Variants in CTNNA3 observed in about 807,000 individuals in gnomAD.
CTNNA3 encodes catenin alpha 3, also known as catenin alpha-3.
CTNNA3 carries 76 observed loss-of-function variants against 95.7 expected under a neutral mutation model. That is an observed-to-expected ratio of 0.79 (90% confidence interval 0.66 to 0.96). The LOEUF (loss-of-function observed/expected upper bound fraction) is 0.96, where lower values mean the gene tolerates loss of function less well. Among genes scored for constraint, CTNNA3 ranks in the 40% least tolerant of loss-of-function variants. The probability of loss-of-function intolerance (pLI) is 0.00; values close to 1 mark genes in which losing one functional copy is unlikely to be tolerated. For synonymous variants in CTNNA3, 431 were observed against 374.4 expected (o/e 1.15, Z -1.74); for missense variants, 1,191 against 1,089.8 (o/e 1.09, Z -1.31).
chr10:67,160,870 C>T (rs944144868), intron 7 of CTNNA3, among the ~76,000 whole-genome samples: 3 of 152,114 alleles, frequency 2.0e-5, no homozygotes, highest in African/African-American at 7.2e-5. Context: ...GGAAATCTTG[C>T]ACTGTGACAA....
intron 7 of CTNNA3, among the ~76,000 whole-genome samples, chr10:66,847,191 A>G (rs12358134): frequency 0.27 from 41,476 of 152,110 alleles, 6,629 homozygotes; most frequent in Non-Finnish European, 0.38. Context: ...TGAAAGCAGC[A>G]ATGAGTTTTT....
At chr10:67,701,736 G>C (rs1281515150) in intron 1 of CTNNA3, among the ~76,000 whole-genome samples, 1 of 152,088 alleles carries the variant, frequency 6.6e-6, no homozygotes, top group Non-Finnish European at 1.5e-5. Context: ...AAAATAACCA[G>C]CTAACATCAT....
chr10:67,544,523 G>C (rs1357291262), intron 3 of CTNNA3, among the ~76,000 whole-genome samples: 1 of 152,146 alleles, frequency 6.6e-6, no homozygotes, highest in Non-Finnish European at 1.5e-5. Flanking sequence ...AAACAGAATA[G>C]AGAATGATAA....
At chr10:67,371,344 A>AG (rs1361078692) in intron 5 of CTNNA3, among the ~76,000 whole-genome samples, 5 of 150,952 alleles carry the variant, frequency 3.3e-5, no homozygotes, top group Admixed American at 3.3e-4. Flanking sequence ...CTCGTCATTT[A>AG]CATTAGGTAT....
In CTNNA3 at chr10:67,743,723, C is replaced by A. The variant is rs1392466719; in HGVS notation, c.-2+19711G>T. On this transcript the variant is annotated intron_variant, in intron 1 of 17. Transcript: ENST00000684154. Reference sequence around the variant, plus strand: ...GAGGAAGTTAAATTGTCCCTGTTTGCAGATGACATGATTGTATATCTAGAA... The same window carrying A: ...GAGGAAGTTAAATTGTCCCTGTTTGAAGATGACATGATTGTATATCTAGAA... Among the ~76,000 whole-genome samples, 3 of 151,246 alleles carry A rather than the reference C, an allele frequency of 2.0e-5. No homozygotes were observed. In the East Asian group the frequency reaches 5.8e-4, roughly 29 times the overall value.
intron 6 of CTNNA3, among the ~76,000 whole-genome samples, chr10:67,217,307 A>G (rs1864417856): frequency 6.6e-6 from 1 of 152,226 alleles, no homozygotes; most frequent in African/African-American, 2.4e-5. Context: ...TAAATGCTCA[A>G]TAAATTCTGC....
chr10:67,514,720 GTT>G (rs529419460), intron 5 of CTNNA3, among the ~76,000 whole-genome samples: 5 of 127,754 alleles, frequency 3.9e-5, no homozygotes, highest in Non-Finnish European at 5.2e-5. Flanking sequence ...TGTTTTTGTT[GTT>G]TTTTTTTTTT....
intron 10 of CTNNA3, among the ~76,000 whole-genome samples, chr10:66,553,438 A>G (rs1283660548): frequency 7.0e-5 from 1 of 14,334 alleles, no homozygotes; most frequent in Non-Finnish European, 1.3e-4. Flanking sequence ...AATGAAGCAT[A>G]TCTTTTTTTT....
At chr10:67,112,948 T>A (rs1858986628) in intron 7 of CTNNA3, among the ~76,000 whole-genome samples, 1 of 152,174 alleles carries the variant, frequency 6.6e-6, no homozygotes, top group Non-Finnish European at 1.5e-5. Context: ...GGGAAATGGT[T>A]ATGCTTCATC....
At chr10:67,409,336 A>C (rs1024502909) in intron 5 of CTNNA3, among the ~76,000 whole-genome samples, 3 of 152,212 alleles carry the variant, frequency 2.0e-5, no homozygotes, top group African/African-American at 7.2e-5. Context: ...GAATTAACCC[A>C]AATGCCCATC....
intron 3 of CTNNA3, among the ~76,000 whole-genome samples, chr10:67,568,157 T>A (rs1171948707): frequency 6.6e-6 from 1 of 152,040 alleles, no homozygotes; most frequent in Non-Finnish European, 1.5e-5. Context: ...ACTTGTGTAT[T>A]TTTTCTATTT....
chr10:67,364,724 A>G (rs943785224), intron 5 of CTNNA3, among the ~76,000 whole-genome samples: 6 of 152,176 alleles, frequency 3.9e-5, no homozygotes, highest in African/African-American at 1.4e-4. Context: ...AAAATAAAAG[A>G]GGACACAAGC....
At chr10:65,936,950 G>A (rs1218475598) in intron 17 of CTNNA3, among the ~76,000 whole-genome samples, 1 of 151,474 alleles carries the variant, frequency 6.6e-6, no homozygotes, top group Non-Finnish European at 1.5e-5. Context: ...TAATAAACTT[G>A]TTGACATGAC....
chr10:66,376,025 CA>C (rs2092794522), intron 12 of CTNNA3, among the ~76,000 whole-genome samples: 1 of 152,102 alleles, frequency 6.6e-6, no homozygotes, highest in African/African-American at 2.4e-5. Context: ...TGTTTTGGTC[CA>C]TGAGCCTGGC....
intron 6 of CTNNA3, among the ~76,000 whole-genome samples, chr10:67,203,353 C>T (rs991192304): frequency 2.6e-5 from 4 of 152,166 alleles, no homozygotes; most frequent in East Asian, 3.9e-4. Flanking sequence ...GCTCCTCATT[C>T]GCCTTCCACC....
chr10:66,719,254 G>A (rs1848550104), intron 9 of CTNNA3, among the ~76,000 whole-genome samples: 1 of 152,050 alleles, frequency 6.6e-6, no homozygotes, highest in Non-Finnish European at 1.5e-5. Flanking sequence ...TCTTAATAGT[G>A]TTTTTAATAG....
At chr10:66,481,469 T>TGA (rs1839526576) in intron 11 of CTNNA3, among the ~76,000 whole-genome samples, 19 of 113,822 alleles carry the variant, frequency 1.7e-4, no homozygotes, top group South Asian at 6.4e-4. Context: ...TTCTTTTTTT[T>TGA]TTTTTTTTTT....
chr10:66,261,260 G>A (rs1189376432), intron 13 of CTNNA3, among the ~76,000 whole-genome samples: 5 of 151,970 alleles, frequency 3.3e-5, no homozygotes, highest in African/African-American at 1.2e-4. Flanking sequence ...CACTTCTTAA[G>A]TAAATTCAGT....
At chr10:65,990,066 T>G (rs1256434011) in intron 15 of CTNNA3, among the ~76,000 whole-genome samples, 2 of 2,966 alleles carry the variant, frequency 6.7e-4, no homozygotes, top group East Asian at 0.045. Flanking sequence ...GTGTTTCATT[T>G]TGTGTGTAGT....
Sources: gnomAD v4.1 joint callset for allele counts (sites outside exome capture counted in the v4.1 genomes callset) on GRCh38, gnomAD v4.1.1 for gene constraint, MANE v1.5 for transcripts, NCBI Gene and HGNC (gene_info 2026-07-23, HGNC 2026-07-21) for gene names.